The following PKD1L3 variants were observed in gnomAD, a reference collection of about 807,000 sequenced individuals.
PKD1L3 encodes the protein polycystin 1 like 3, transient receptor potential channel interacting.
In PKD1L3, 239 loss-of-function variants were observed where a neutral mutation model predicts 184.1. The ratio of observed to expected loss-of-function variants is 1.30; its 90% CI spans 1.17 to 1.45. The LOEUF (loss-of-function observed/expected upper bound fraction) is 1.45. Ranked by LOEUF, PKD1L3 falls within the 40% of genes most tolerant of loss-of-function variation. The probability of loss-of-function intolerance (pLI) is 0.00; values close to 1 mark genes in which losing one functional copy is unlikely to be tolerated. For synonymous variants in PKD1L3, 996 were observed against 778.8 expected (o/e 1.28, Z -4.64); for missense variants, 2,660 against 2,067.2 (o/e 1.29, Z -5.56).
At chr16:71,978,187 G>C in intron 10 of PKD1L3, 68 bp downstream of exon 10, 1 of 1,475,870 alleles carries the variant, frequency 6.8e-7, no homozygotes, top group Non-Finnish European at 9.2e-7. Flanking sequence ...TTAAGTTGTT[G>C]CATCCTTCCA....
At position 71,945,329 on chromosome 16, in the gene PKD1L3, C is replaced by T. The variant is rs113178775; in HGVS notation, c.3719-1159G>A. 5.8e-3 allele frequency among the ~76,000 whole-genome samples: 288 copies of T among 49,280 alleles called. 2 individuals carry two copies. The highest frequency in any genetic ancestry group is 0.011 in the Middle Eastern group (1 of 90). The allele number at this position is 49,280 out of a possible 152,430, so 32.3% of individuals were successfully genotyped here. ...ATACACACACACACACACATATATA[C>T]ACACACACACACATATATTTATATA... On this transcript the variant is annotated intron_variant, in intron 22 of 29. Transcript: ENST00000620267.
At chr16:71,980,969 G>A (rs530189235) in intron 7 of PKD1L3, among the ~76,000 whole-genome samples, 1 of 152,152 alleles carries the variant, frequency 6.6e-6, no homozygotes, top group Non-Finnish European at 1.5e-5. Context: ...TCATATAAGT[G>A]AATCACAACA....
intron 16 of PKD1L3, among the ~76,000 whole-genome samples, chr16:71,958,853 G>A (rs1422634673): frequency 6.9e-6 from 1 of 145,332 alleles, no homozygotes; most frequent in Non-Finnish European, 1.5e-5. Flanking sequence ...TTGGGAGGGT[G>A]AGGCAGGTGG....
intron 9 of PKD1L3, among the ~76,000 whole-genome samples, chr16:71,978,898 A>G (rs562818185): frequency 6.6e-6 from 1 of 152,150 alleles, no homozygotes; most frequent in Non-Finnish European, 1.5e-5. Context: ...ATGAAATAAC[A>G]TTCCCCATTT....
chr16:71,969,471 CTT>C lies in PKD1L3; in HGVS notation c.2184+402_2184+403del, dbSNP rs71391427. 6.8e-5 allele frequency among the ~76,000 whole-genome samples: 8 copies of C among 117,406 alleles called. 1 individual carries two copies. The highest frequency in any genetic ancestry group is 1.8e-4 in the Admixed American group (2 of 10,890). 77.0% of individuals were successfully genotyped at this position (117,406 alleles called of 152,430 possible). A position where few individuals can be genotyped will look rare whatever the true frequency, so the allele number is the denominator to read the frequency against. ...CAAGCATGCACCACCATGCCAGGCTCTTTTTTTTTTTTTTTTTTTTAGTAGAG... is the reference window on the plus strand; with the variant it reads ...CAAGCATGCACCACCATGCCAGGCTCTTTTTTTTTTTTTTTTTTAGTAGAG... On this transcript the variant is annotated intron_variant, in intron 13 of 29. Coordinates refer to ENST00000620267, the MANE Select transcript of PKD1L3 (RefSeq NM_181536.2).
chr16:71,985,733 A>C (rs1384483561), intron 5 of PKD1L3, among the ~76,000 whole-genome samples: 1 of 152,034 alleles, frequency 6.6e-6, no homozygotes, highest in Non-Finnish European at 1.5e-5. Flanking sequence ...TGCCTGGCTA[A>C]TTTTTTTGAA....
chr16:71,930,192 A>C lies in PKD1L3; in HGVS notation c.4927-9T>G, dbSNP rs768067025. ...GGGTCTAAAGCGAAAACCTGGGAAAACAATAAGAACACTTGCAGTGACTGA... is the reference window on the plus strand; with the variant it reads ...GGGTCTAAAGCGAAAACCTGGGAAACCAATAAGAACACTTGCAGTGACTGA... On this transcript the variant is annotated splice_polypyrimidine_tract_variant and intron_variant, in intron 28 of 29. Transcript: ENST00000620267. 4 of 1,538,456 alleles carry C rather than the reference A, an allele frequency of 2.6e-6. No homozygotes were observed. In the African/African-American group the frequency reaches 5.5e-5, roughly 21 times the overall value.
rs1442366380 is a variant in PKD1L3 at position 71,982,075 on chromosome 16, T to C, written c.1127A>G (p.Lys376Arg). The change falls in exon 7 of 30, where the codon AAG becomes AGG. Residue 376 changes from lysine (K) to arginine (R), a missense_variant. Transcript: ENST00000620267. ...KAGEGSWLES[K>R]RHTEPVEDIL... ...GGCACCTACCGGCTCAGTATGACGC[T>C]TGGATTCCAGCCAACTTCCTTCTCC... 3.9e-6 allele frequency: 6 copies of C among 1,548,698 alleles called. No individual in the cohort carries two copies. The Admixed American group carries it at 8.0e-5, about 21-fold the overall frequency.
At chr16:71,961,793 T>A (rs1474391424) in intron 16 of PKD1L3, among the ~76,000 whole-genome samples, 1 of 152,184 alleles carries the variant, frequency 6.6e-6, no homozygotes, top group African/African-American at 2.4e-5. Context: ...TTTAATCCAC[T>A]CAGTTTTGGG....
At chr16:71,997,281 G>A (rs1010452605) in intron 2 of PKD1L3, among the ~76,000 whole-genome samples, 1 of 148,226 alleles carries the variant, frequency 6.7e-6, no homozygotes, top group Non-Finnish European at 1.5e-5. Context: ...TATGGTAGTT[G>A]TTTTTTTTTT....
chr16:71,986,497 A>G, intron 4 of PKD1L3, 28 bp from the exon 5 acceptor site: 1 of 1,536,100 alleles, frequency 6.5e-7, no homozygotes, highest in Non-Finnish European at 8.8e-7. Context: ...GTAAAGGAAA[A>G]GACTGAATCT....
At chr16:71,943,552 A>C (rs1013469255) in intron 23 of PKD1L3, among the ~76,000 whole-genome samples, 1 of 151,666 alleles carries the variant, frequency 6.6e-6, no homozygotes, top group East Asian at 1.9e-4. Context: ...AAAAAAAAAA[A>C]AAAAAACATA....
Position 71,967,294 on chromosome 16 carries a change from A to T in PKD1L3, c.2308T>A (p.Ser770Thr). Reference protein sequence around the residue: ...TAKVVITLYGSEGRSEPHHLC... With the variant: ...TAKVVITLYGTEGRSEPHHLC... ...TGATGGGGCTCACTCCGTCCCTCTG[A>T]TCCATAGAGGGTGATGACAACCTAC... The change falls in exon 15 of 30, where the codon TCA (serine) becomes ACA (threonine). Residue 770 changes from serine to threonine, a missense_variant. Transcript: ENST00000620267. The T allele has an allele frequency of 6.4e-7, 1 of 1,551,366 alleles. No individual in the cohort carries two copies. The highest frequency in any genetic ancestry group is 8.7e-7 in the Non-Finnish European group (1 of 1,146,784).
rs2038779125 is a variant in PKD1L3 at position 71,950,233 on chromosome 16, G to A, written c.3268C>T (p.Leu1090=). 2.6e-6 allele frequency: 4 copies of A among 1,552,012 alleles called. No homozygotes were observed. The highest frequency in any genetic ancestry group is 3.5e-6 in the Non-Finnish European group (4 of 1,147,104). The change falls in exon 20 of 30, where the codon CTG becomes TTG. Residue 1090 remains leucine (L), a synonymous_variant. Coordinates refer to ENST00000620267, the MANE Select transcript of PKD1L3 (RefSeq NM_181536.2). ...LQRLKSHLGT[L]GLTQGHQSCD... is the part of the protein sequence containing the mutation. ...GACTGGTGACCCTGGGTGAGACCCA[G>A]CGTGCCTAAGTGAGATTTCAGCCTC... is the stretch of plus-strand genomic sequence containing the variant.
At chr16:71,950,401 G>A (rs2038785388) in intron 19 of PKD1L3, 91 bp from the exon 20 acceptor site, 3 of 1,176,494 alleles carry the variant, frequency 2.5e-6, no homozygotes, top group East Asian at 2.6e-5. Flanking sequence ...GATGGATGAT[G>A]AGGCTATATT....
At chr16:71,936,568 G>C (rs1022091180) in intron 25 of PKD1L3, among the ~76,000 whole-genome samples, 8 of 140,686 alleles carry the variant, frequency 5.7e-5, no homozygotes, top group African/African-American at 2.1e-4. Flanking sequence ...TGCCCAAGCT[G>C]AAGTGCAAGG....
At position 71,950,141 on chromosome 16, in the gene PKD1L3, A is replaced by G; in HGVS notation, c.3360T>C (p.Leu1120=). 1 of 1,552,042 alleles carries G rather than the reference A, an allele frequency of 6.4e-7. No homozygotes were observed. ...ACCTGGATGGCTCTTGCTCCGTGGG[A>G]AGAATATGTGTTTCCAAGAGTTCCT... ...KLQELLETHI[L]PTEQEPSREV... Residue 1120 remains leucine, a synonymous_variant, in exon 20 of 30, where the codon CTT becomes CTC. Transcript: ENST00000620267.
At chr16:71,974,154 A>G (rs1037487063) in intron 11 of PKD1L3, among the ~76,000 whole-genome samples, 1 of 152,232 alleles carries the variant, frequency 6.6e-6, no homozygotes, top group African/African-American at 2.4e-5. Flanking sequence ...CCCCAGGGTG[A>G]AGCAAACATA....
In PKD1L3 at chr16:71,954,243, T is replaced by C. The variant is rs777958842; in HGVS notation, c.2671A>G (p.Ile891Val). 1.8e-5 allele frequency: 28 copies of C among 1,550,400 alleles called. No homozygotes were observed. Among genetic ancestry groups the C allele is most frequent in the South Asian group, 1.2e-4 (10 of 83,852 alleles). Reference sequence around the variant, plus strand: ...TGGTTCCAGGGATGCCGAGTTGCAATTGAAAGCCACAGATAATCCTGGGTG... The same window carrying C: ...TGGTTCCAGGGATGCCGAGTTGCAACTGAAAGCCACAGATAATCCTGGGTG... ...KFTQDYLWLSIATRHPWNQFT... is the reference protein window; with the variant it reads ...KFTQDYLWLSVATRHPWNQFT... The change falls in exon 17 of 30, where the codon ATT becomes GTT. Residue 891 changes from isoleucine (I) to valine (V), a missense_variant. By Grantham distance (29) the Ile-to-Val change is conservative. Coordinates refer to ENST00000620267, the MANE Select transcript of PKD1L3 (RefSeq NM_181536.2).
Sources: allele counts gnomAD v4.1 joint callset (sites outside exome capture counted in the v4.1 genomes callset), GRCh38; gene constraint gnomAD v4.1.1; transcripts MANE v1.5; gene names NCBI Gene and HGNC (gene_info 2026-07-23, HGNC 2026-07-21).